The following FIG4 variants were observed in gnomAD, a reference collection of about 807,000 sequenced individuals.
The protein encoded by FIG4 is polyphosphoinositide phosphatase.
A neutral mutation model predicts 118.6 loss-of-function variants in FIG4; 112 were observed. That is an observed-to-expected ratio of 0.94 (90% CI 0.81 to 1.11). FIG4 has a LOEUF of 1.11. FIG4 is among the 50% of genes least tolerant of loss of function. The pLI, the probability that FIG4 is intolerant of heterozygous loss-of-function variation, is 0.00. For missense variants in FIG4, 969 were observed against 1,111.7 expected, an observed-to-expected ratio of 0.87 and a Z score of 1.83; for synonymous variants, 369 against 381.2, an observed-to-expected ratio of 0.97 and a Z score of 0.37.
chr6:109,794,113 A>G (rs1326965376), intron 21 of FIG4, among the ~76,000 whole-genome samples: 1 of 152,244 alleles, frequency 6.6e-6, no homozygotes, highest in Non-Finnish European at 1.5e-5. Context: ...GGAGGGAGGA[A>G]CCCATGTCCT....
At position 109,822,447 on chromosome 6, in the gene FIG4, TTTAA is replaced by T. The variant is rs1320212789; in HGVS notation, c.2547-2635_2547-2632del. ...TGGGTAAATATTGTTAGTTTTTATA[TTTAA>T]TTAATGTGTACATAATGGTATTTCA... On this transcript the variant is annotated intron_variant, in intron 22 of 22. Transcript: ENST00000230124. Among the ~76,000 whole-genome samples, 4 of 152,218 alleles carry T rather than the reference TTTAA, an allele frequency of 2.6e-5. No individual in the cohort carries two copies. The South Asian group carries it at 6.2e-4, about 24-fold the overall frequency.
intron 21 of FIG4, among the ~76,000 whole-genome samples, 177 bp downstream of exon 21, chr6:109,792,841 C>T (rs1207666399): frequency 6.6e-6 from 1 of 150,670 alleles, no homozygotes; most frequent in Non-Finnish European, 1.5e-5. Context: ...CAGGTGCACG[C>T]CACTATGCCT....
chr6:109,699,984 A>G (rs1439879852), intron 1 of FIG4, among the ~76,000 whole-genome samples: 2 of 152,212 alleles, frequency 1.3e-5, no homozygotes, highest in Non-Finnish European at 2.9e-5. Context: ...GAAGGAGCAA[A>G]TAAGGCTTCC....
chr6:109,761,731 C>T (rs1250866915), intron 11 of FIG4, among the ~76,000 whole-genome samples: 1 of 152,190 alleles, frequency 6.6e-6, no homozygotes, highest in Non-Finnish European at 1.5e-5. Flanking sequence ...GCCACCTGCA[C>T]TGTGCGTGGT....
Position 109,754,865 on chromosome 6 carries a change from G to A in FIG4, c.1138-5385G>A, listed in dbSNP as rs527604975. Among the ~76,000 whole-genome samples, 445 of 151,990 alleles carry A rather than the reference G, an allele frequency of 2.9e-3. 1 individual carries two copies. The highest frequency in any genetic ancestry group is 0.014 in the Middle Eastern group (4 of 294). Reference sequence around the variant, plus strand: ...GTCTTGCTAGCAGTCTATCAATTTTGTTGATCCTTTCAAAAAACCAGCTCC... The same window carrying A: ...GTCTTGCTAGCAGTCTATCAATTTTATTGATCCTTTCAAAAAACCAGCTCC... On this transcript the variant is annotated intron_variant, in intron 10 of 22. Coordinates refer to ENST00000230124, the MANE Select transcript of FIG4 (RefSeq NM_014845.6).
chr6:109,781,525 C>G (rs77310051), intron 16 of FIG4, among the ~76,000 whole-genome samples: 1 of 152,046 alleles, frequency 6.6e-6, no homozygotes, highest in African/African-American at 2.4e-5. Flanking sequence ...ACCATCACTC[C>G]CCTTGTCCTG....
chr6:109,743,547 A>G, intron 9 of FIG4, 128 bp from the exon 10 acceptor site: 1 of 749,854 alleles, frequency 1.3e-6, no homozygotes, highest in East Asian at 2.6e-5. Context: ...CATCTTAAGA[A>G]GGATTTGGGA....
chr6:109,702,658 C>T (rs1051795984), intron 1 of FIG4, among the ~76,000 whole-genome samples: 3 of 76,104 alleles, frequency 3.9e-5, no homozygotes, highest in African/African-American at 2.4e-4. Context: ...AGTTACTGCT[C>T]CCTTTCCTTC....
intron 22 of FIG4, among the ~76,000 whole-genome samples, chr6:109,817,251 CCTCT>C (rs1353330087): frequency 2.0e-5 from 3 of 152,142 alleles, no homozygotes; most frequent in African/African-American, 7.2e-5. Context: ...AGAGCCAAGC[CCTCT>C]CTCATTAAAC....
chr6:109,700,884 G>A (rs943042364), intron 1 of FIG4, among the ~76,000 whole-genome samples: 1 of 152,156 alleles, frequency 6.6e-6, no homozygotes, highest in East Asian at 1.9e-4. Context: ...AGCTCATTAT[G>A]TATATTTTCA....
At chr6:109,759,230 A>G (rs1469762279) in intron 10 of FIG4, among the ~76,000 whole-genome samples, 1 of 152,210 alleles carries the variant, frequency 6.6e-6, no homozygotes, top group Non-Finnish European at 1.5e-5. Context: ...GATAAAGAAA[A>G]TGTGGTACAT....
Position 109,762,160 on chromosome 6 carries a change from T to C in FIG4, c.1341T>C (p.Phe447=), listed in dbSNP as rs199651811. 161 of 1,613,470 alleles carry C rather than the reference T, an allele frequency of 1.0e-4. No homozygotes were observed. The highest frequency in any genetic ancestry group is 1.3e-4 in the Non-Finnish European group (158 of 1,179,500). The change falls in exon 12 of 23, where the codon TTT becomes TTC. Residue 447 remains phenylalanine (F), a synonymous_variant. Coordinates refer to ENST00000230124, the MANE Select transcript of FIG4 (RefSeq NM_014845.6). The stretch of plus-strand genomic sequence containing the variant: ...GTGTGGTGAAGAAAACAGGTTTCTT[T>C]GTAAACCGCCCTGATTCTTACTGTA... ...AESVVKKTGF[F]VNRPDSYCSI...
chr6:109,806,072 T>C (rs1036679783), intron 22 of FIG4, among the ~76,000 whole-genome samples: 29 of 152,190 alleles, frequency 1.9e-4, no homozygotes, highest in Admixed American at 1.3e-4. Flanking sequence ...CCAGTAACTT[T>C]GTTTTGCACA....
intron 3 of FIG4, among the ~76,000 whole-genome samples, chr6:109,726,893 A>G (rs1775836099): frequency 6.6e-6 from 1 of 152,074 alleles, no homozygotes; most frequent in Non-Finnish European, 1.5e-5. Flanking sequence ...ATCACTCATG[A>G]TTTGGCTCTG....
chr6:109,819,236 A>G (rs185647382), intron 22 of FIG4, among the ~76,000 whole-genome samples: 4 of 152,336 alleles, frequency 2.6e-5, no homozygotes, highest in African/African-American at 7.2e-5. Flanking sequence ...TGGGAAACAT[A>G]CAACTGCTAT....
chr6:109,775,230 A>T (rs892471523), intron 15 of FIG4, among the ~76,000 whole-genome samples: 1 of 152,160 alleles, frequency 6.6e-6, no homozygotes, highest in African/African-American at 2.4e-5. Flanking sequence ...TTTTATTTGC[A>T]GTCAGAAGTA....
chr6:109,691,499 G>T lies in FIG4; in HGVS notation c.64G>T (p.Ala22Ser). 1 of 1,578,538 alleles carries T rather than the reference G, an allele frequency of 6.3e-7. No individual in the cohort carries two copies. The highest frequency in any genetic ancestry group is 8.6e-7 in the Non-Finnish European group (1 of 1,161,680). The change falls in exon 1 of 23, where the codon GCT (alanine) becomes TCT (serine). Residue 22 changes from alanine (A) to serine (S), a missense_variant and splice_region_variant. Around this residue, in one of 3 missense-constraint regions of FIG4, gnomAD observed 393 missense variants for 409.4 expected, o/e 0.96. Transcript: ENST00000230124. Reference protein sequence around the residue: ...VQKLVLYETRARYFLVGSNNA... With the variant: ...VQKLVLYETRSRYFLVGSNNA... ...GAAGCTGGTTCTGTATGAGACTAGA[G>T]CTGTGAGTACCCCCTCGCGGCGGGG...
chr6:109,732,777 A>T, intron 5 of FIG4, 90 bp downstream of exon 5: 1 of 722,562 alleles, frequency 1.4e-6, no homozygotes, highest in Non-Finnish European at 2.4e-6. Flanking sequence ...ACATAGTAGT[A>T]CTTCTCTTTC....
intron 22 of FIG4, among the ~76,000 whole-genome samples, chr6:109,816,284 C>G (rs903669325): frequency 2.6e-5 from 4 of 152,152 alleles, no homozygotes; most frequent in African/African-American, 9.7e-5. Context: ...CCTACTGATA[C>G]CTTCTTCCAA....
Sources: gnomAD v4.1 joint callset for allele counts (sites outside exome capture counted in the v4.1 genomes callset) on GRCh38, gnomAD v4.1.1 for gene constraint, gnomAD v4.1.1 regional missense constraint, MANE v1.5 for transcripts, NCBI Gene and HGNC (gene_info 2026-07-23, HGNC 2026-07-21) for gene names.